Variants in BRINP3 observed in about 807,000 individuals in gnomAD.
BRINP3 encodes BMP/retinoic acid inducible neural specific 3, also known as BMP/retinoic acid-inducible neural-specific protein 3.
Under a neutral mutation model 71.0 loss-of-function variants are expected in BRINP3, and 19 were observed. The ratio of observed to expected loss-of-function variants is 0.27; its 90% confidence interval spans 0.19 to 0.39. The LOEUF (loss-of-function observed/expected upper bound fraction) is 0.39. Among genes scored for constraint, BRINP3 ranks in the 10% least tolerant of loss-of-function variants. The probability of loss-of-function intolerance (pLI) is 1.00; values close to 1 mark genes in which losing one functional copy is unlikely to be tolerated. For synonymous variants in BRINP3, 380 were observed against 337.7 expected, an observed-to-expected ratio of 1.13 and a Z score of -1.37; for missense variants, 959 against 940.8, an observed-to-expected ratio of 1.02 and a Z score of -0.25.
Position 190,102,297 on chromosome 1 carries a change from G to T in BRINP3, c.1185-3163C>A, listed in dbSNP as rs543039734. Among the ~76,000 whole-genome samples the T allele has an allele frequency of 1.2e-3, 179 of 152,198 alleles. 1 individual carries two copies. The highest frequency in any genetic ancestry group is 1.9e-3 in the Non-Finnish European group (126 of 67,948). On this transcript the variant is annotated intron_variant, in intron 7 of 7. Transcript: ENST00000367462. The stretch of plus-strand genomic sequence containing the variant: ...CCCCCACCCAACAAGGTAAAATTTA[G>T]TTCCCCTTACTTTATCTTAAAACTG...
intron 6 of BRINP3, among the ~76,000 whole-genome samples, chr1:190,194,487 C>A (rs1249512206): frequency 1.3e-5 from 2 of 151,930 alleles, no homozygotes; most frequent in Non-Finnish European, 2.9e-5. Flanking sequence ...ATATTAATTC[C>A]ATTTGAAACT....
At chr1:190,143,595 T>A (rs1571827359) in intron 7 of BRINP3, among the ~76,000 whole-genome samples, 1 of 152,154 alleles carries the variant, frequency 6.6e-6, no homozygotes, top group East Asian at 1.9e-4. Flanking sequence ...CTAGGCAATG[T>A]ATATTTTTAT....
chr1:190,358,008 T>C (rs1405387885), intron 2 of BRINP3, among the ~76,000 whole-genome samples: 1 of 152,084 alleles, frequency 6.6e-6, no homozygotes, highest in Non-Finnish European at 1.5e-5. Context: ...CAAAAATTAA[T>C]TCAGGATGGA....
intron 5 of BRINP3, among the ~76,000 whole-genome samples, chr1:190,233,968 A>G (rs1658263073): frequency 6.6e-6 from 1 of 152,162 alleles, no homozygotes; most frequent in African/African-American, 2.4e-5. Context: ...CTGCCACATT[A>G]GGTTATATAT....
intron 7 of BRINP3, among the ~76,000 whole-genome samples, chr1:190,110,459 C>T (rs1448021771): frequency 1.3e-5 from 2 of 152,210 alleles, no homozygotes; most frequent in Non-Finnish European, 2.9e-5. Context: ...AGCTGCTCTA[C>T]TTTCTCTGGA....
At chr1:190,347,730 A>G (rs1035238996) in intron 2 of BRINP3, among the ~76,000 whole-genome samples, 1 of 152,168 alleles carries the variant, frequency 6.6e-6, no homozygotes, top group African/African-American at 2.4e-5. Context: ...TCCAGTAAAC[A>G]TAAGGATCAT....
chr1:190,359,625 C>T lies in BRINP3; in HGVS notation c.237-77875G>A, dbSNP rs145101196. Reference sequence around the variant, plus strand: ...GAAATCAACCAATCAATTAATCAATCAATCAATCTCTGAACCTCAAACCTG... The same window carrying T: ...GAAATCAACCAATCAATTAATCAATTAATCAATCTCTGAACCTCAAACCTG... On this transcript the variant is annotated intron_variant, in intron 2 of 7. Coordinates refer to ENST00000367462, the MANE Select transcript of BRINP3 (RefSeq NM_199051.3). 5.6e-3 allele frequency among the ~76,000 whole-genome samples: 850 copies of T among 152,162 alleles called. 5 individuals carry two copies. Among genetic ancestry groups the T allele is most frequent in the African/African-American group, 0.018 (765 of 41,524 alleles).
At chr1:190,445,386 A>G (rs1171092189) in intron 2 of BRINP3, among the ~76,000 whole-genome samples, 1 of 152,152 alleles carries the variant, frequency 6.6e-6, no homozygotes, top group Non-Finnish European at 1.5e-5. Context: ...ATTTATTTAA[A>G]CTCGATTAAA....
intron 7 of BRINP3, among the ~76,000 whole-genome samples, chr1:190,154,625 G>C (rs1025740015): frequency 6.6e-6 from 1 of 152,026 alleles, no homozygotes; most frequent in Non-Finnish European, 1.5e-5. Context: ...TTGTAAAACA[G>C]AAAGAAATGT....
chr1:190,406,803 A>T (rs1400110617), intron 2 of BRINP3, among the ~76,000 whole-genome samples: 1 of 152,210 alleles, frequency 6.6e-6, no homozygotes, highest in East Asian at 1.9e-4. Context: ...TAATTATAAG[A>T]TTATTTAATA....
chr1:190,328,542 C>G (rs1051851246), intron 2 of BRINP3, among the ~76,000 whole-genome samples: 1 of 151,578 alleles, frequency 6.6e-6, no homozygotes, highest in Non-Finnish European at 1.5e-5. Flanking sequence ...GAATCATTAC[C>G]AACTGAAAAA....
At chr1:190,349,674 C>A (rs895612017) in intron 2 of BRINP3, among the ~76,000 whole-genome samples, 1 of 152,092 alleles carries the variant, frequency 6.6e-6, no homozygotes, top group Non-Finnish European at 1.5e-5. Flanking sequence ...ACTTTGCATT[C>A]TTCACATAAC....
chr1:190,171,368 C>A (rs369986190), intron 6 of BRINP3, among the ~76,000 whole-genome samples: 8 of 152,188 alleles, frequency 5.3e-5, no homozygotes, highest in African/African-American at 1.9e-4. Context: ...AGTAATAATA[C>A]CTTCAAGGAA....
At chr1:190,398,170 T>C (rs1225395371) in intron 2 of BRINP3, among the ~76,000 whole-genome samples, 1 of 151,956 alleles carries the variant, frequency 6.6e-6, no homozygotes, top group Non-Finnish European at 1.5e-5. Flanking sequence ...ATCCTATCAT[T>C]AATGCTCCAC....
intron 2 of BRINP3, among the ~76,000 whole-genome samples, chr1:190,323,700 G>C (rs1666398925): frequency 6.6e-6 from 1 of 151,550 alleles, no homozygotes; most frequent in Admixed American, 6.6e-5. Context: ...AGATTACATG[G>C]GAAAGCAAGA....
rs181845946 is a variant in BRINP3, at chr1:190,245,308, T to A, written c.619-10831A>T. 1.8e-3 allele frequency among the ~76,000 whole-genome samples: 271 copies of A among 151,670 alleles called. 1 individual carries two copies. The highest frequency in any genetic ancestry group is 6.3e-3 in the African/African-American group (262 of 41,474). Reference sequence around the variant, plus strand: ...CAAAAAAGTTAATACAAATCCAAATTCTTTAGGAACTTATTATCAGTAAAA... The same window carrying A: ...CAAAAAAGTTAATACAAATCCAAATACTTTAGGAACTTATTATCAGTAAAA... On this transcript the variant is annotated intron_variant, in intron 4 of 7. Coordinates refer to ENST00000367462, the MANE Select transcript of BRINP3 (RefSeq NM_199051.3).
chr1:190,295,573 G>C (rs188041535), intron 2 of BRINP3, among the ~76,000 whole-genome samples: 2 of 152,274 alleles, frequency 1.3e-5, no homozygotes, highest in Admixed American at 1.3e-4. Context: ...ACTGTAGTCA[G>C]GTAGTGGTGA....
At chr1:190,426,656 G>T (rs1244476357) in intron 2 of BRINP3, among the ~76,000 whole-genome samples, 2 of 151,600 alleles carry the variant, frequency 1.3e-5, no homozygotes, top group Admixed American at 6.6e-5. Context: ...TGGTGGTAGG[G>T]TTATCAAATT....
chr1:190,432,115 T>C (rs545948647), intron 2 of BRINP3, among the ~76,000 whole-genome samples: 14 of 152,228 alleles, frequency 9.2e-5, no homozygotes, highest in African/African-American at 2.9e-4. Flanking sequence ...AAAACAAATA[T>C]GTAAATCCCT....
Sources: allele counts gnomAD v4.1 joint callset (sites outside exome capture counted in the v4.1 genomes callset), GRCh38; gene constraint gnomAD v4.1.1; transcripts MANE v1.5; gene names NCBI Gene and HGNC (gene_info 2026-07-23, HGNC 2026-07-21).